Variants in ROR1 observed in about 807,000 individuals in gnomAD.
ROR1 encodes ROR family WNT receptor 1.
In ROR1, 19 loss-of-function variants were observed where a neutral mutation model predicts 78.8. The ratio of observed to expected loss-of-function variants is 0.24; its 90% CI spans 0.17 to 0.35. The LOEUF (loss-of-function observed/expected upper bound fraction) is 0.35. Ranked by LOEUF, ROR1 falls within the 10% of genes least tolerant of loss-of-function variation. The probability of loss-of-function intolerance (pLI) is 1.00; values close to 1 mark genes in which losing one functional copy is unlikely to be tolerated. For missense variants in ROR1, 917 were observed against 1,177.8 expected, an observed-to-expected ratio of 0.78 and a Z score of 3.24; for synonymous variants, 386 against 433.6, an observed-to-expected ratio of 0.89 and a Z score of 1.36.
intron 2 of ROR1, among the ~76,000 whole-genome samples, chr1:64,039,775 T>A (rs1369891505): frequency 6.6e-6 from 1 of 152,202 alleles, no homozygotes; most frequent in African/African-American, 2.4e-5. Context: ...ATTTCAGGCT[T>A]GGCTTTCTAG....
intron 2 of ROR1, among the ~76,000 whole-genome samples, chr1:64,023,841 A>G (rs1261637153): frequency 6.6e-6 from 1 of 152,134 alleles, no homozygotes; most frequent in East Asian, 1.9e-4. Flanking sequence ...CTGTGTCCCC[A>G]CCCAAATCTT....
chr1:63,790,356 G>A (rs996224922), intron 1 of ROR1, among the ~76,000 whole-genome samples: 3 of 152,076 alleles, frequency 2.0e-5, no homozygotes, highest in South Asian at 2.1e-4. Context: ...ACGCGTCTTC[G>A]AACAACTGAA....
chr1:64,163,258 C>T (rs1649996223), intron 8 of ROR1, among the ~76,000 whole-genome samples: 1 of 131,710 alleles, frequency 7.6e-6, no homozygotes, highest in Non-Finnish European at 1.8e-5. Flanking sequence ...CACACACACA[C>T]ACACACACAA....
intron 1 of ROR1, among the ~76,000 whole-genome samples, chr1:63,908,633 G>T (rs1268482784): frequency 6.6e-6 from 1 of 152,174 alleles, no homozygotes; most frequent in Non-Finnish European, 1.5e-5. Flanking sequence ...ATGGTGGATT[G>T]CCCACAGATA....
At chr1:63,863,826 A>G (rs1418356266) in intron 1 of ROR1, among the ~76,000 whole-genome samples, 1 of 151,320 alleles carries the variant, frequency 6.6e-6, no homozygotes, top group African/African-American at 2.4e-5. Context: ...ATACTTGTTC[A>G]GTTAACCAAA....
intron 1 of ROR1, among the ~76,000 whole-genome samples, chr1:63,945,245 A>G (rs2100462277): frequency 6.6e-6 from 1 of 152,322 alleles, no homozygotes; most frequent in South Asian, 2.1e-4. Flanking sequence ...TGACTGTTAA[A>G]CTAAAAAAGA....
chr1:63,785,241 T>C (rs1644676886), intron 1 of ROR1, among the ~76,000 whole-genome samples: 1 of 152,212 alleles, frequency 6.6e-6, no homozygotes, highest in Non-Finnish European at 1.5e-5. Flanking sequence ...AGTTTTTACA[T>C]AATTTTCACA....
chr1:63,816,875 C>T (rs1010926324), intron 1 of ROR1, among the ~76,000 whole-genome samples: 1 of 152,180 alleles, frequency 6.6e-6, no homozygotes, highest in Non-Finnish European at 1.5e-5. Flanking sequence ...TAGTACCTTG[C>T]AGAGCAAATG....
chr1:64,135,512 G>T (rs150691409), intron 4 of ROR1, among the ~76,000 whole-genome samples: 8 of 152,140 alleles, frequency 5.3e-5, no homozygotes, highest in African/African-American at 1.4e-4. Context: ...GTAATAGCAG[G>T]GGGGTGGCAT....
chr1:63,943,561 C>T (rs909097159), intron 1 of ROR1, among the ~76,000 whole-genome samples: 2 of 152,182 alleles, frequency 1.3e-5, no homozygotes, highest in Non-Finnish European at 2.9e-5. Flanking sequence ...GGGAAAAAAG[C>T]TCATCTGGTA....
intron 1 of ROR1, among the ~76,000 whole-genome samples, chr1:63,902,468 C>T (rs1645493255): frequency 6.6e-6 from 1 of 151,712 alleles, no homozygotes. Flanking sequence ...CAGGCACATG[C>T]CACCATGCCC....
intron 4 of ROR1, among the ~76,000 whole-genome samples, chr1:64,091,969 A>G (rs1647201525): frequency 6.6e-6 from 1 of 152,112 alleles, no homozygotes; most frequent in Admixed American, 6.6e-5. Flanking sequence ...CATTTTATTC[A>G]GTGAACAAAT....
At chr1:64,121,737 C>T (rs1183732399) in intron 4 of ROR1, among the ~76,000 whole-genome samples, 8 of 152,142 alleles carry the variant, frequency 5.3e-5, no homozygotes, top group Admixed American at 4.6e-4. Flanking sequence ...TGTTGCCCAG[C>T]CCTTGGTACA....
rs150638763 is a variant in ROR1, at chr1:64,142,835, G to A, written c.1174+185G>A. 3.4e-4 allele frequency: 485 copies of A among 1,419,062 alleles called. 2 individuals are homozygous for A. In the African/African-American group the frequency reaches 6.2e-3, roughly 18 times the overall value. The allele number at this position is 1,419,062 out of a possible 1,614,324, so 87.9% of individuals were successfully genotyped here. ...AACACCTCGTAAGGTACCAAAACAC[G>A]TTCTCAAGAAGTCAACTGCCTTTAT... is the stretch of plus-strand genomic sequence containing the variant. On this transcript the variant is annotated intron_variant, in intron 7 of 8. Transcript: ENST00000371079.
At chr1:64,000,390 CA>C (rs1211562598) in intron 1 of ROR1, among the ~76,000 whole-genome samples, 1 of 152,158 alleles carries the variant, frequency 6.6e-6, no homozygotes, top group East Asian at 1.9e-4. Flanking sequence ...CAGAAATAAA[CA>C]AATTATTTTA....
chr1:63,911,985 C>T (rs921020087), intron 1 of ROR1, among the ~76,000 whole-genome samples: 40 of 152,072 alleles, frequency 2.6e-4, no homozygotes, highest in African/African-American at 8.7e-4. Context: ...TATACAAAGG[C>T]GAATTAAGAT....
intron 4 of ROR1, among the ~76,000 whole-genome samples, chr1:64,097,524 G>A (rs1647344568): frequency 6.6e-6 from 1 of 151,480 alleles, no homozygotes; most frequent in African/African-American, 2.4e-5. Context: ...TCACAGACAA[G>A]ATTGTATTTA....
intron 8 of ROR1, among the ~76,000 whole-genome samples, chr1:64,169,384 G>A (rs1569881490): frequency 6.6e-6 from 1 of 152,200 alleles, no homozygotes; most frequent in East Asian, 1.9e-4. Flanking sequence ...GATGGCAGCA[G>A]ACAAAGAGAG....
intron 1 of ROR1, among the ~76,000 whole-genome samples, chr1:63,806,513 T>C (rs1166977480): frequency 6.6e-6 from 1 of 152,088 alleles, no homozygotes; most frequent in East Asian, 1.9e-4. Flanking sequence ...GAGACGGAGT[T>C]TCACTGCGTT....
Sources: allele counts gnomAD v4.1 joint callset (sites outside exome capture counted in the v4.1 genomes callset), GRCh38; gene constraint gnomAD v4.1.1; transcripts MANE v1.5; gene names NCBI Gene and HGNC (gene_info 2026-07-23, HGNC 2026-07-21).